Variants in EPHA3 observed in about 807,000 individuals in gnomAD.
EPHA3 encodes the protein EPH receptor A3, also known as ephrin type-A receptor 3.
Under a neutral mutation model 107.1 loss-of-function variants are expected in EPHA3, and 42 were observed. The ratio of observed to expected loss-of-function variants is 0.39; its 90% CI spans 0.31 to 0.51. The LOEUF (loss-of-function observed/expected upper bound fraction) is 0.51. Among genes scored for constraint, EPHA3 ranks in the 20% least tolerant of loss-of-function variants. EPHA3 has a pLI of 0.78. For synonymous variants in EPHA3, 461 were observed against 424.8 expected (o/e 1.09, Z -1.05); for missense variants, 1,183 against 1,211.2 (o/e 0.98, Z 0.35).
chr3:89,271,532 C>T (rs543335874), intron 3 of EPHA3, among the ~76,000 whole-genome samples: 393 of 151,848 alleles, frequency 2.6e-3, no homozygotes, highest in African/African-American at 9.1e-3. Context: ...AATATGCTTT[C>T]GATCTCTGGC....
chr3:89,412,136 T>C (rs1425156248), intron 9 of EPHA3, among the ~76,000 whole-genome samples: 3 of 151,788 alleles, frequency 2.0e-5, no homozygotes, highest in African/African-American at 7.2e-5. Flanking sequence ...TTAGAATCAC[T>C]TTTTTAAAAC....
intron 13 of EPHA3, 94 bp downstream of exon 13, chr3:89,431,453 T>C (rs1709568098): frequency 1.0e-6 from 1 of 991,214 alleles, no homozygotes; most frequent in Non-Finnish European, 1.5e-6. Flanking sequence ...CCAAAACGTG[T>C]TGTCAATTAT....
At chr3:89,196,745 A>C (rs764288090) in intron 2 of EPHA3, among the ~76,000 whole-genome samples, 6 of 152,036 alleles carry the variant, frequency 3.9e-5, no homozygotes, top group Non-Finnish European at 7.4e-5. Context: ...TTCTTCCCTA[A>C]ATGCCACCTC....
At position 89,342,086 on chromosome 3, in the gene EPHA3, G is replaced by A. The variant is rs754455890; in HGVS notation, c.1302G>A (p.Gln434=). ...CTGCGGTCAGCATCACAACTAATCA[G>A]GCTGGTGAGTACATACTAGATGCTT... The part of the protein sequence containing the change: ...QFAAVSITTN[Q]AAPSPVLTIK... Residue 434 remains glutamine, a synonymous_variant, in exon 5 of 17, where the codon CAG becomes CAA. Transcript: ENST00000336596. 3 of 1,608,352 alleles carry A rather than the reference G, an allele frequency of 1.9e-6. No homozygotes were observed. Among genetic ancestry groups the A allele is most frequent in the East Asian group, 2.2e-5 (1 of 44,786 alleles).
intron 13 of EPHA3, among the ~76,000 whole-genome samples, chr3:89,442,096 T>G (rs1269626262): frequency 6.6e-6 from 1 of 152,024 alleles, no homozygotes; most frequent in Non-Finnish European, 1.5e-5. Context: ...AAAGTTAATT[T>G]AAGTTTTACT....
intron 2 of EPHA3, among the ~76,000 whole-genome samples, chr3:89,173,523 A>G (rs149224784): frequency 2.0e-5 from 3 of 152,166 alleles, no homozygotes; most frequent in African/African-American, 7.2e-5. Flanking sequence ...CAATATCCTA[A>G]AGAAAAAAAT....
chr3:89,449,192 C>T (rs967337233), intron 13 of EPHA3, 33 bp from the exon 14 acceptor site: 1 of 1,574,466 alleles, frequency 6.4e-7, no homozygotes, highest in Non-Finnish European at 8.7e-7. Flanking sequence ...CTATGCATTG[C>T]TGATTTATGT....
At chr3:89,209,728 A>G (rs1706221664) in intron 2 of EPHA3, 132 bp from the exon 3 acceptor site, 1 of 776,552 alleles carries the variant, frequency 1.3e-6, no homozygotes, top group African/African-American at 1.8e-5. Context: ...CTTGCAAATA[A>G]AAACTACAAA....
chr3:89,159,628 A>C (rs1704883825), intron 2 of EPHA3, among the ~76,000 whole-genome samples: 1 of 152,278 alleles, frequency 6.6e-6, no homozygotes, highest in East Asian at 1.9e-4. Context: ...ACAGAAAATA[A>C]GTGAGGTGTA....
At chr3:89,376,830 A>G (rs1055232836) in intron 5 of EPHA3, among the ~76,000 whole-genome samples, 3 of 152,102 alleles carry the variant, frequency 2.0e-5, no homozygotes, top group East Asian at 3.9e-4. Flanking sequence ...TGTAGTTCAT[A>G]AGGGCCTTTT....
In EPHA3 at chr3:89,366,144, A is replaced by G. The variant is rs1354865200; in HGVS notation, c.1306+24054A>G. 2.9e-4 allele frequency among the ~76,000 whole-genome samples: 43 copies of G among 150,558 alleles called. 4 individuals are homozygous for G. ...AACCAGAATAATTAAAACCATGACC[A>G]GTTCTGTGTCATGCATTTGGGAAAA... is the stretch of plus-strand genomic sequence containing the variant. On this transcript the variant is annotated intron_variant, in intron 5 of 16. Transcript: ENST00000336596.
intron 2 of EPHA3, among the ~76,000 whole-genome samples, chr3:89,138,026 G>T (rs1704352898): frequency 6.6e-6 from 1 of 151,874 alleles, no homozygotes; most frequent in Non-Finnish European, 1.5e-5. Flanking sequence ...TTTGGGGATT[G>T]CTGTGTTAGA....
intron 2 of EPHA3, among the ~76,000 whole-genome samples, chr3:89,133,083 C>A (rs1469498611): frequency 6.6e-6 from 1 of 152,104 alleles, no homozygotes; most frequent in Non-Finnish European, 1.5e-5. Flanking sequence ...TATTCTAAGA[C>A]AAGCTTTGAG....
chr3:89,225,455 T>A (rs1704481854), intron 3 of EPHA3, among the ~76,000 whole-genome samples: 1 of 152,352 alleles, frequency 6.6e-6, no homozygotes, highest in Non-Finnish European at 1.5e-5. Flanking sequence ...TGCATATTGC[T>A]ACATTTCTCT....
rs545139866 is a variant in EPHA3 at position 89,393,520 on chromosome 3, A to G, written c.1307-2317A>G. Among the ~76,000 whole-genome samples, 50 of 152,322 alleles carry G rather than the reference A, an allele frequency of 3.3e-4. 1 individual carries two copies. In the East Asian group the frequency reaches 9.5e-3, roughly 29 times the overall value. ...ACTTCTTTGAAAATGAATTTTAACC[A>G]CTAGGAAAAAATGAAAGTTTCATGG... On this transcript the variant is annotated intron_variant, in intron 5 of 16. Coordinates refer to ENST00000336596, the MANE Select transcript of EPHA3 (RefSeq NM_005233.6).
rs1388775599 is a variant in EPHA3, at chr3:89,291,219, G to T, written c.815-49697G>T. 3.9e-5 allele frequency among the ~76,000 whole-genome samples: 6 copies of T among 152,246 alleles called. 1 individual carries two copies. In the South Asian group the frequency reaches 1.0e-3, roughly 26 times the overall value. The stretch of plus-strand genomic sequence containing the variant: ...TCATATATATTATGGGGTTGGTCTA[G>T]TTTATCTTTGGAGTTCCTCCAACTT... On this transcript the variant is annotated intron_variant, in intron 3 of 16. Coordinates refer to ENST00000336596, the MANE Select transcript of EPHA3 (RefSeq NM_005233.6).
intron 11 of EPHA3, among the ~76,000 whole-genome samples, chr3:89,425,790 T>A (rs547391019): frequency 2.0e-5 from 3 of 151,674 alleles, no homozygotes; most frequent in African/African-American, 7.2e-5. Flanking sequence ...TTGAGAAGGT[T>A]GTGTTAAAAT....
At chr3:89,201,549 A>T (rs1705969347) in intron 2 of EPHA3, among the ~76,000 whole-genome samples, 1 of 152,122 alleles carries the variant, frequency 6.6e-6, no homozygotes, top group Non-Finnish European at 1.5e-5. Context: ...GTGCTCCTTA[A>T]AGTGTTTACT....
At chr3:89,234,353 C>A (rs1265829139) in intron 3 of EPHA3, among the ~76,000 whole-genome samples, 5 of 152,066 alleles carry the variant, frequency 3.3e-5, no homozygotes, top group African/African-American at 1.2e-4. Flanking sequence ...GTATTTTAAT[C>A]AATAAAATCT....
Sources: gnomAD v4.1 joint callset for allele counts (sites outside exome capture counted in the v4.1 genomes callset) on GRCh38, gnomAD v4.1.1 for gene constraint, MANE v1.5 for transcripts, NCBI Gene and HGNC (gene_info 2026-07-23, HGNC 2026-07-21) for gene names.